PMPCB: variants seen among roughly 807,000 people sequenced by gnomAD.
PMPCB encodes peptidase, mitochondrial processing subunit beta.
Under a neutral mutation model 61.5 loss-of-function variants are expected in PMPCB, and 46 were observed. The ratio of observed to expected loss-of-function variants is 0.75; its 90% CI spans 0.59 to 0.96. The LOEUF (loss-of-function observed/expected upper bound fraction) is 0.96. Ranked by LOEUF, PMPCB falls within the 40% of genes least tolerant of loss-of-function variation. The probability of loss-of-function intolerance (pLI) is 0.00; values close to 1 mark genes in which losing one functional copy is unlikely to be tolerated. For synonymous variants in PMPCB, 191 were observed against 201.6 expected, an observed-to-expected ratio of 0.95 and a Z score of 0.44; for missense variants, 590 against 602.4, an observed-to-expected ratio of 0.98 and a Z score of 0.22.
downstream of PMPCB, chr7:103,319,518 T>C (rs1298428927): frequency 4.3e-6 from 5 of 1,158,872 alleles, no homozygotes; most frequent in African/African-American, 1.5e-5. Flanking sequence ...AGATACTCCC[T>C]GCACTTGGTG....
intron 4 of PMPCB, among the ~76,000 whole-genome samples, chr7:103,302,365 A>G (rs1586041011): frequency 1.3e-5 from 2 of 152,200 alleles, no homozygotes; most frequent in Admixed American, 6.5e-5. Context: ...ATACTAACAT[A>G]TATTAAATAC....
intron 12 of PMPCB, among the ~76,000 whole-genome samples, chr7:103,320,417 A>T (rs1818321519): frequency 6.6e-6 from 1 of 152,034 alleles, no homozygotes; most frequent in Non-Finnish European, 1.5e-5. Flanking sequence ...TCAGGTGTAC[A>T]TATTTCAGTT....
chr7:103,300,496 GA>G (rs1184832192), intron 4 of PMPCB, among the ~76,000 whole-genome samples, 189 bp downstream of exon 4: 1 of 152,178 alleles, frequency 6.6e-6, no homozygotes, highest in Non-Finnish European at 1.5e-5. Flanking sequence ...AATTATGGAT[GA>G]TGGTTTTTCT....
At chr7:103,311,237 C>T (rs1467544618) in intron 9 of PMPCB, 1 of 167,460 alleles carries the variant, frequency 6.0e-6, no homozygotes, top group African/African-American at 2.4e-5. Context: ...TTACATCTTT[C>T]TAAATCTAGT....
At chr7:103,302,190 C>T in intron 4 of PMPCB, among the ~76,000 whole-genome samples, 1 of 152,022 alleles carries the variant, frequency 6.6e-6, no homozygotes, top group East Asian at 1.9e-4. Flanking sequence ...TTTCTTAATC[C>T]AGTCTATCAT....
intron 11 of PMPCB, 79 bp downstream of exon 11, chr7:103,311,975 T>C (rs1361615912): frequency 6.5e-7 from 1 of 1,528,914 alleles, no homozygotes. Context: ...ATCTTTCATC[T>C]TGCTTTAGTT....
chr7:103,337,874 G>T, the PMPCB span: 1 of 1,197,542 alleles, frequency 8.4e-7, no homozygotes, highest in Non-Finnish European at 1.2e-6. Flanking sequence ...CATCCCTTGT[G>T]TTCTGGTACC....
downstream of PMPCB, chr7:103,317,279 A>G (rs1818123974): frequency 2.6e-6 from 1 of 380,238 alleles, no homozygotes. Context: ...AGCCTTGGAC[A>G]CTAATTGACA....
At chr7:103,337,342 G>T in the PMPCB span, 4 of 158,152 alleles carry the variant, frequency 2.5e-5, no homozygotes, top group African/African-American at 9.6e-5. Flanking sequence ...ATCTACAAAG[G>T]TGTGACCTAA....
chr7:103,298,611 C>T lies in PMPCB; in HGVS notation c.143C>T (p.Ala48Val). The change falls in exon 2 of 13, where the codon GCT becomes GTT. Residue 48 changes from alanine (A) to valine (V), a missense_variant. By Grantham distance (64) the Ala-to-Val change is moderately conservative (BLOSUM62 0). Transcript: ENST00000249269. ...GENRLRSTQA[A>V]TQVVLNVPET... The stretch of plus-strand genomic sequence containing the variant: ...AACAGATTAAGAAGTACACAGGCTG[C>T]TACCCAAGTTGTTCTGAATGTTCCT... The T allele has an allele frequency of 6.2e-7, 1 of 1,613,924 alleles. No homozygotes were observed. Among genetic ancestry groups the T allele is most frequent in the South Asian group, 1.1e-5 (1 of 91,078 alleles).
At chr7:103,320,508 C>T (rs1818326131) in intron 12 of PMPCB, among the ~76,000 whole-genome samples, 1 of 151,986 alleles carries the variant, frequency 6.6e-6, no homozygotes, top group Non-Finnish European at 1.5e-5. Context: ...CTAAAACTGT[C>T]CCAGCACTTT....
chr7:103,337,939 T>C, the PMPCB span: 15 of 669,690 alleles, frequency 2.2e-5, no homozygotes, highest in East Asian at 4.1e-4. Context: ...AGAGGTTCTG[T>C]ATAAACCAGG....
intron 12 of PMPCB, among the ~76,000 whole-genome samples, chr7:103,321,126 A>G (rs1586078150): frequency 6.6e-6 from 1 of 151,920 alleles, no homozygotes; most frequent in Non-Finnish European, 1.5e-5. Context: ...TGAACTTGGG[A>G]GGTGAAGGTT....
At chr7:103,316,782 C>G (rs760028535), downstream of PMPCB, 2 of 1,475,764 alleles carry the variant, frequency 1.4e-6, no homozygotes, top group African/African-American at 2.8e-5. Context: ...TCTACATTAT[C>G]TCCAGGCTCC....
chr7:103,302,021 A>G (rs1440713244), intron 4 of PMPCB, among the ~76,000 whole-genome samples: 5 of 152,044 alleles, frequency 3.3e-5, no homozygotes, highest in Non-Finnish European at 5.9e-5. Context: ...TCATTGTTCA[A>G]TTCCCACCTA....
downstream of PMPCB, among the ~76,000 whole-genome samples, chr7:103,334,194 G>T (rs1449449773): frequency 6.6e-6 from 1 of 151,790 alleles, no homozygotes; most frequent in African/African-American, 2.4e-5. Flanking sequence ...CTCGTGATCC[G>T]CCTGCCTTGG....
chr7:103,316,044 C>T (rs1818034484), downstream of PMPCB: 2 of 1,601,008 alleles, frequency 1.2e-6, no homozygotes, highest in Non-Finnish European at 1.7e-6. Flanking sequence ...TCTTTTGACT[C>T]CAGAGGAAGA....
chr7:103,343,290 C>T, the PMPCB span, among the ~76,000 whole-genome samples: 1 of 152,142 alleles, frequency 6.6e-6, no homozygotes, highest in Admixed American at 6.5e-5. Flanking sequence ...CGTGAGCCAC[C>T]GCACCCAGAC....
Position 103,300,215 on chromosome 7 carries a change from A to G in PMPCB, c.365A>G (p.Glu122Gly), listed in dbSNP as rs761593488. 6.2e-7 allele frequency: 1 copy of G among 1,612,908 alleles called. No homozygotes were observed. The highest frequency in any genetic ancestry group is 8.5e-7 in the Non-Finnish European group (1 of 1,179,176). ...KKRSQLDLEL[E>G]IENMGAHLNA... Reference sequence around the variant, plus strand: ...AGATCCCAGTTAGATCTGGAACTTGAGATTGAAAATATGGGTGCTCATCTC... The same window carrying G: ...AGATCCCAGTTAGATCTGGAACTTGGGATTGAAAATATGGGTGCTCATCTC... Residue 122 changes from glutamate (E) to glycine (G), a missense_variant, in exon 4 of 13, where the codon GAG (glutamate) becomes GGG (glycine). By Grantham distance (98) the Glu-to-Gly change is moderately conservative. Transcript: ENST00000249269.
Sources: allele counts gnomAD v4.1 joint callset (sites outside exome capture counted in the v4.1 genomes callset), GRCh38; gene constraint gnomAD v4.1.1; transcripts MANE v1.5; gene names NCBI Gene and HGNC (gene_info 2026-07-23, HGNC 2026-07-21).